PAX7: variants seen among roughly 807,000 people sequenced by gnomAD.
The protein encoded by PAX7 is paired box 7.
Under a neutral mutation model 50.7 loss-of-function variants are expected in PAX7, and 18 were observed. The ratio of observed to expected loss-of-function variants is 0.36; its 90% CI spans 0.25 to 0.53. PAX7 has a LOEUF of 0.53. Ranked by LOEUF, PAX7 falls within the 20% of genes least tolerant of loss-of-function variation. The pLI, the probability that PAX7 is intolerant of heterozygous loss-of-function variation, is 0.93. For missense variants in PAX7, 644 were observed against 702.9 expected (o/e 0.92, Z 0.95); for synonymous variants, 310 against 290.4 (o/e 1.07, Z -0.69).
intron 8 of PAX7, 96 bp from the exon 9 acceptor site, chr1:18,744,716 GGA>G (rs1931351627): frequency 1.4e-6 from 1 of 694,738 alleles, no homozygotes; most frequent in African/African-American, 1.8e-5. Flanking sequence ...ATGGATGGAT[GGA>G]TGGATGGATG....
intron 4 of PAX7, among the ~76,000 whole-genome samples, chr1:18,677,664 A>G (rs1363784246): frequency 6.6e-6 from 1 of 152,188 alleles, no homozygotes; most frequent in Non-Finnish European, 1.5e-5. Flanking sequence ...AGAAACTGGC[A>G]CAGAGTCCTG....
intron 4 of PAX7, among the ~76,000 whole-genome samples, chr1:18,688,458 C>T (rs2089009118): frequency 6.6e-6 from 1 of 152,206 alleles, no homozygotes; most frequent in African/African-American, 2.4e-5. Context: ...AGACGAAGTT[C>T]TTCAGTTGCA....
chr1:18,634,245 C>A lies in PAX7; in HGVS notation c.86-58C>A. ...TGGAGTCAGGGAGTGTACTCAGTGT[C>A]TGCTCTCCATCCTCACCCTGCACCT... On this transcript the variant is annotated intron_variant, in intron 1 of 8. Transcript: ENST00000420770. The surrounding 1 kb of genome is among the most constrained non-coding windows in gnomAD (Gnocchi z 4.0). 7.2e-7 allele frequency: 1 copy of A among 1,385,552 alleles called. No homozygotes were observed. The highest frequency in any genetic ancestry group is 1.0e-6 in the Non-Finnish European group (1 of 995,082). The allele number at this position is 1,385,552 out of a possible 1,614,324, so 85.8% of individuals were successfully genotyped here.
chr1:18,697,700 T>A (rs532330837), intron 5 of PAX7, among the ~76,000 whole-genome samples: 185 of 152,186 alleles, frequency 1.2e-3, no homozygotes, highest in South Asian at 2.5e-3. Flanking sequence ...GAAGAAGAGA[T>A]GACAGAATTG....
intron 6 of PAX7, among the ~76,000 whole-genome samples, chr1:18,701,324 G>A (rs1043879781): frequency 3.3e-5 from 5 of 152,038 alleles, no homozygotes; most frequent in Non-Finnish European, 5.9e-5. Context: ...GTGTGAGTGC[G>A]TGCATGAGTG....
chr1:18,659,783 C>G (rs1320033561), intron 4 of PAX7, among the ~76,000 whole-genome samples: 1 of 152,154 alleles, frequency 6.6e-6, no homozygotes, highest in Non-Finnish European at 1.5e-5. Context: ...CCTTCAGTCC[C>G]AGGCAGACTG....
intron 7 of PAX7, among the ~76,000 whole-genome samples, chr1:18,716,056 C>A (rs1012345227): frequency 2.6e-5 from 4 of 152,178 alleles, no homozygotes; most frequent in African/African-American, 9.7e-5. Flanking sequence ...TAACCTTCCC[C>A]ACCGGCCCTT....
At chr1:18,631,874 G>A (rs572280060) in intron 1 of PAX7, among the ~76,000 whole-genome samples, 186 bp downstream of exon 1, 5 of 152,340 alleles carry the variant, frequency 3.3e-5, no homozygotes, top group African/African-American at 1.2e-4. Context: ...CCGCTTCTGC[G>A]TGGGTTTCAC....
At chr1:18,718,696 T>C (rs1034223615) in intron 7 of PAX7, among the ~76,000 whole-genome samples, 5 of 151,720 alleles carry the variant, frequency 3.3e-5, no homozygotes, top group Admixed American at 2.6e-4. Flanking sequence ...AGGCTGGAGT[T>C]CAGTGGCTCG....
intron 7 of PAX7, among the ~76,000 whole-genome samples, chr1:18,709,448 C>T (rs2089323171): frequency 6.6e-6 from 1 of 152,222 alleles, no homozygotes; most frequent in Non-Finnish European, 1.5e-5. Context: ...ACCACACAAC[C>T]ACGATCACGG....
intron 5 of PAX7, among the ~76,000 whole-genome samples, chr1:18,698,949 G>A (rs950699870): frequency 2.0e-5 from 3 of 152,168 alleles, no homozygotes; most frequent in South Asian, 2.1e-4. Context: ...CAGCAGACAC[G>A]GCCCAGAGAT....
intron 7 of PAX7, among the ~76,000 whole-genome samples, chr1:18,728,697 TAAA>T (rs552854863): frequency 1.5e-5 from 2 of 131,710 alleles, no homozygotes; most frequent in African/African-American, 2.8e-5. Flanking sequence ...CCCATTCTAC[TAAA>T]AAAAAAAAAA....
chr1:18,684,410 C>A (rs952470925), intron 4 of PAX7, among the ~76,000 whole-genome samples: 1 of 152,202 alleles, frequency 6.6e-6, no homozygotes, highest in African/African-American at 2.4e-5. Context: ...CCTGGGCCCC[C>A]AAGGAGGTTT....
At chr1:18,657,935 C>T (rs950072238) in intron 4 of PAX7, among the ~76,000 whole-genome samples, 2 of 152,158 alleles carry the variant, frequency 1.3e-5, no homozygotes, top group Non-Finnish European at 2.9e-5. Flanking sequence ...CCCCAGGGCC[C>T]GCAGGCGACT....
At chr1:18,742,490 C>T (rs897269558) in intron 8 of PAX7, among the ~76,000 whole-genome samples, 3 of 152,144 alleles carry the variant, frequency 2.0e-5, no homozygotes, top group Admixed American at 6.5e-5. Flanking sequence ...GACACTGGAG[C>T]CCGGGTAAGG....
intron 4 of PAX7, among the ~76,000 whole-genome samples, chr1:18,669,620 A>T (rs1485419062): frequency 2.6e-5 from 4 of 152,180 alleles, no homozygotes. Flanking sequence ...GATGTCTCAG[A>T]CATTGGAGAC....
At chr1:18,740,154 T>G (rs1034051047) in intron 8 of PAX7, among the ~76,000 whole-genome samples, 1 of 152,176 alleles carries the variant, frequency 6.6e-6, no homozygotes, top group Non-Finnish European at 1.5e-5. Flanking sequence ...GGGAGGGCCG[T>G]TGACGGAGGC....
chr1:18,656,690 TAA>T (rs911821195), intron 4 of PAX7, among the ~76,000 whole-genome samples: 1 of 149,068 alleles, frequency 6.7e-6, no homozygotes, highest in Non-Finnish European at 1.5e-5. Context: ...AATGCATGCA[TAA>T]AAAAAAGGGG....
chr1:18,711,539 A>C, intron 7 of PAX7, among the ~76,000 whole-genome samples: 1 of 152,040 alleles, frequency 6.6e-6, no homozygotes, highest in Admixed American at 6.6e-5. Flanking sequence ...TGCTGACCTA[A>C]GTCTGGGGAG....
Sources: allele counts gnomAD v4.1 joint callset (sites outside exome capture counted in the v4.1 genomes callset), GRCh38; gene constraint gnomAD v4.1.1; non-coding constraint Gnocchi (gnomAD v3.1); transcripts MANE v1.5; gene names NCBI Gene and HGNC (gene_info 2026-07-23, HGNC 2026-07-21).